Variants in ZNF366 observed in about 807,000 individuals in gnomAD.
ZNF366 encodes the protein dendritic cell-specific transcript protein.
ZNF366 carries 20 observed loss-of-function variants against 47.2 expected under a neutral mutation model. The observed-to-expected ratio is 0.42, with a 90% CI of 0.30 to 0.62. ZNF366 has a LOEUF of 0.62. ZNF366 is among the 20% of genes least tolerant of loss of function. ZNF366 has a pLI of 0.16. For synonymous variants in ZNF366, 421 were observed against 395.1 expected, an observed-to-expected ratio of 1.07 and a Z score of -0.78; for missense variants, 987 against 976.3, an observed-to-expected ratio of 1.01 and a Z score of -0.15.
At chr5:72,455,695 G>A (rs563843051) in intron 3 of ZNF366, among the ~76,000 whole-genome samples, 7 of 152,238 alleles carry the variant, frequency 4.6e-5, no homozygotes, top group Middle Eastern at 3.4e-3. Context: ...ACGTTTTCTC[G>A]GCTGATGAAA....
At chr5:72,489,587 C>T (rs1445498812) in intron 1 of ZNF366, among the ~76,000 whole-genome samples, 1 of 152,204 alleles carries the variant, frequency 6.6e-6, no homozygotes, top group East Asian at 1.9e-4. Context: ...TTCTCTGCTC[C>T]ATGATTTTTC....
chr5:72,456,177 C>T (rs189320056), intron 3 of ZNF366, among the ~76,000 whole-genome samples: 1 of 152,188 alleles, frequency 6.6e-6, no homozygotes, highest in East Asian at 1.9e-4. Flanking sequence ...GGCATGGATG[C>T]CACAGTGAGA....
In ZNF366 at chr5:72,507,404, GA is replaced by G; in HGVS notation, c.-169del. 3 of 985,314 alleles carry G rather than the reference GA, an allele frequency of 3.0e-6. No individual in the cohort carries two copies. The highest frequency in any genetic ancestry group is 3.6e-6 in the Non-Finnish European group (3 of 829,920). The allele number at this position is 985,314 out of a possible 1,614,324, so 61.0% of individuals were successfully genotyped here. ...AGGGACAGTGTTTCGAATGACTTAA[GA>G]AAGAGAACAGGAACAATACTTCGTT... On this transcript the variant is annotated 5_prime_UTR_variant, in exon 1 of 5. Coordinates refer to ENST00000318442, the MANE Select transcript of ZNF366 (RefSeq NM_152625.3).
chr5:72,493,291 A>G (rs960629126), intron 1 of ZNF366, among the ~76,000 whole-genome samples: 15 of 152,228 alleles, frequency 9.9e-5, no homozygotes, highest in African/African-American at 3.6e-4. Flanking sequence ...GCATTAACTC[A>G]TGTGATCATC....
chr5:72,489,899 T>G (rs924754381), intron 1 of ZNF366, among the ~76,000 whole-genome samples: 1 of 152,236 alleles, frequency 6.6e-6, no homozygotes, highest in Non-Finnish European at 1.5e-5. Flanking sequence ...TGCAGCAGCA[T>G]CATGCTGCTA....
At position 72,443,631 on chromosome 5, in the gene ZNF366, T is replaced by G; in HGVS notation, c.*125A>C. On this transcript the variant is annotated 3_prime_UTR_variant, in exon 5 of 5. Transcript: ENST00000318442. ...TTCCATTACCTACATCCCTGCTCATTTAGTCTAAGCCATTTGTAGAGATTG... is the reference window on the plus strand; with the variant it reads ...TTCCATTACCTACATCCCTGCTCATGTAGTCTAAGCCATTTGTAGAGATTG... 1 of 1,073,858 alleles carries G rather than the reference T, an allele frequency of 9.3e-7. No homozygotes were observed. The highest frequency in any genetic ancestry group is 1.7e-5 in the South Asian group (1 of 59,906). The allele number at this position is 1,073,858 out of a possible 1,614,324, so 66.5% of individuals were successfully genotyped here. A position where few individuals can be genotyped will look rare whatever the true frequency, so the allele number is the denominator to read the frequency against.
chr5:72,456,054 C>T (rs12656026), intron 3 of ZNF366, among the ~76,000 whole-genome samples: 61,628 of 151,998 alleles, frequency 0.41, 13,806 homozygotes, highest in East Asian at 0.88. Context: ...CTAAACTTGC[C>T]TTCTCCTCTC....
At chr5:72,447,470 T>G in intron 3 of ZNF366, 53 bp from the exon 4 acceptor site, 1 of 1,598,618 alleles carries the variant, frequency 6.3e-7, no homozygotes, top group Non-Finnish European at 8.6e-7. Context: ...TGAAGCCCCA[T>G]CCAGGCCCCT....
chr5:72,462,794 A>T (rs904359456), intron 1 of ZNF366, among the ~76,000 whole-genome samples: 1 of 151,300 alleles, frequency 6.6e-6, no homozygotes, highest in Non-Finnish European at 1.5e-5. Flanking sequence ...CAAGTGATCC[A>T]CCCGCCTCGG....
At chr5:72,497,456 TC>T (rs1457376797) in intron 1 of ZNF366, among the ~76,000 whole-genome samples, 2 of 152,196 alleles carry the variant, frequency 1.3e-5, no homozygotes, top group African/African-American at 4.8e-5. Flanking sequence ...AGAGTCCATT[TC>T]TGGACTCTAT....
intron 1 of ZNF366, among the ~76,000 whole-genome samples, chr5:72,495,469 C>T (rs1338733972): frequency 6.6e-6 from 1 of 152,096 alleles, no homozygotes; most frequent in Non-Finnish European, 1.5e-5. Context: ...TGTAACTGCT[C>T]CTGTATACTG....
intron 3 of ZNF366, among the ~76,000 whole-genome samples, chr5:72,453,474 C>T (rs1180543439): frequency 6.6e-6 from 1 of 152,226 alleles, no homozygotes; most frequent in African/African-American, 2.4e-5. Context: ...GCAAATGGCC[C>T]TCCATCCCTC....
intron 1 of ZNF366, among the ~76,000 whole-genome samples, chr5:72,493,155 C>T (rs1212902533): frequency 2.0e-5 from 3 of 152,184 alleles, no homozygotes; most frequent in African/African-American, 7.2e-5. Context: ...TTCATTTACT[C>T]ACTAATGCAT....
rs1293692900 is a variant in ZNF366, at chr5:72,443,729, T to G, written c.*27A>C. The G allele has an allele frequency of 6.3e-7, 1 of 1,588,492 alleles. No homozygotes were observed. Reference sequence around the variant, plus strand: ...TATTTGAACTGCCTCCTTCTCATTTTCCAAATGTAATTTTAAAACTGTCCA... The same window carrying G: ...TATTTGAACTGCCTCCTTCTCATTTGCCAAATGTAATTTTAAAACTGTCCA... On this transcript the variant is annotated 3_prime_UTR_variant, in exon 5 of 5. Coordinates refer to ENST00000318442, the MANE Select transcript of ZNF366 (RefSeq NM_152625.3).
At chr5:72,506,751 C>A (rs954472854) in intron 1 of ZNF366, among the ~76,000 whole-genome samples, 3 of 152,162 alleles carry the variant, frequency 2.0e-5, no homozygotes. Flanking sequence ...TTCAGTGATG[C>A]AGAATAACCA....
Position 72,460,534 on chromosome 5 carries a change from G to A in ZNF366, c.963C>T (p.Thr321=), listed in dbSNP as rs573802912. 116 of 1,614,122 alleles carry A rather than the reference G, an allele frequency of 7.2e-5. No homozygotes were observed. The highest frequency in any genetic ancestry group is 9.2e-5 in the Non-Finnish European group (109 of 1,180,044). The stretch of plus-strand genomic sequence containing the variant: ...GCATCATGTGGCGCTTCAGGTGGCT[G>A]GTCTGGGTGAAGGCCTTGTGGCACA... ...CQVCHKAFTQ[T]SHLKRHMMQH... The change falls in exon 2 of 5, where the codon ACC becomes ACT. Residue 321 remains threonine (T), a synonymous_variant. Transcript: ENST00000318442.
In ZNF366 at chr5:72,443,643, A is replaced by T; in HGVS notation, c.*113T>A. ...CATCCCTGCTCATTTAGTCTAAGCC[A>T]TTTGTAGAGATTGGTACTATTCGCC... is the stretch of plus-strand genomic sequence containing the variant. On this transcript the variant is annotated 3_prime_UTR_variant, in exon 5 of 5. Transcript: ENST00000318442. 8.4e-7 allele frequency: 1 copy of T among 1,184,600 alleles called. No homozygotes were observed. Among genetic ancestry groups the T allele is most frequent in the Non-Finnish European group, 1.2e-6 (1 of 858,156 alleles). The allele number at this position is 1,184,600 out of a possible 1,614,324, so 73.4% of individuals were successfully genotyped here. A position where few individuals can be genotyped will look rare whatever the true frequency, so the allele number is the denominator to read the frequency against.
chr5:72,474,283 C>G (rs1370359181), intron 1 of ZNF366, among the ~76,000 whole-genome samples: 1 of 152,188 alleles, frequency 6.6e-6, no homozygotes, highest in Non-Finnish European at 1.5e-5. Context: ...CTCTCAGGCT[C>G]CTGCACGGAG....
At position 72,444,212 on chromosome 5, in the gene ZNF366, G is replaced by C. The variant is rs1742915246; in HGVS notation, c.1779C>G (p.Leu593=). ...RSLEQEEPFD[L]SQKRRAKVPV... ...GCACCTTGGCCCGGCGCTTCTGAGA[G>C]AGGTCAAAGGGCTCCTCCTGCTCCA... The change falls in exon 5 of 5, where the codon CTC becomes CTG. Residue 593 remains leucine (L), a synonymous_variant. Transcript: ENST00000318442. The C allele has an allele frequency of 6.2e-7, 1 of 1,613,510 alleles. No individual in the cohort carries two copies. The highest frequency in any genetic ancestry group is 8.5e-7 in the Non-Finnish European group (1 of 1,180,048).
Sources: gnomAD v4.1 joint callset for allele counts (sites outside exome capture counted in the v4.1 genomes callset) on GRCh38, gnomAD v4.1.1 for gene constraint, MANE v1.5 for transcripts, NCBI Gene and HGNC (gene_info 2026-07-23, HGNC 2026-07-21) for gene names.